AOPEP: variants seen among roughly 807,000 people sequenced by gnomAD.
AOPEP encodes the protein aminopeptidase O.
In AOPEP, 77 loss-of-function variants were observed where a neutral mutation model predicts 98.1. The ratio of observed to expected loss-of-function variants is 0.78; its 90% CI spans 0.65 to 0.95. AOPEP has a LOEUF of 0.95. Ranked by LOEUF, AOPEP falls within the 40% of genes least tolerant of loss-of-function variation. AOPEP has a pLI of 0.00. For missense variants in AOPEP, 1,024 were observed against 1,024.7 expected, an observed-to-expected ratio of 1.00 and a Z score of 0.01; for synonymous variants, 346 against 365.3, an observed-to-expected ratio of 0.95 and a Z score of 0.60.
intron 2 of AOPEP, among the ~76,000 whole-genome samples, chr9:94,772,314 G>A (rs530124530): frequency 6.6e-6 from 1 of 152,238 alleles, no homozygotes; most frequent in South Asian, 2.1e-4. Context: ...TTCTTGGTTT[G>A]GGTAGGGCTG....
the AOPEP span, among the ~76,000 whole-genome samples, chr9:95,121,720 T>A: frequency 6.6e-6 from 1 of 152,110 alleles, no homozygotes; most frequent in Non-Finnish European, 1.5e-5. Flanking sequence ...TCTCAAAAGA[T>A]TGCACAGAGT....
chr9:95,083,285 C>T (rs1368058804), intron 16 of AOPEP, among the ~76,000 whole-genome samples: 1 of 151,906 alleles, frequency 6.6e-6, no homozygotes, highest in Non-Finnish European at 1.5e-5. Flanking sequence ...ACGTAGCACA[C>T]ACACTGCATG....
chr9:94,832,382 T>C (rs1335618731), intron 5 of AOPEP, among the ~76,000 whole-genome samples: 1 of 152,206 alleles, frequency 6.6e-6, no homozygotes, highest in African/African-American at 2.4e-5. Context: ...TTCTTACCTA[T>C]GAGGTTGGCA....
At chr9:95,024,483 C>CT (rs1204800630) in intron 13 of AOPEP, among the ~76,000 whole-genome samples, 10 of 152,192 alleles carry the variant, frequency 6.6e-5, no homozygotes, top group Non-Finnish European at 1.3e-4. Flanking sequence ...TCTCCTAGGC[C>CT]TAGGGAAACG....
At chr9:95,053,475 T>C (rs1232871340) in intron 13 of AOPEP, among the ~76,000 whole-genome samples, 1 of 152,220 alleles carries the variant, frequency 6.6e-6, no homozygotes, top group Non-Finnish European at 1.5e-5. Flanking sequence ...ACATACCATA[T>C]AGGATGTTTT....
intron 2 of AOPEP, among the ~76,000 whole-genome samples, chr9:94,765,439 A>AAAAAATAATAAT (rs1554706555): frequency 2.4e-5 from 3 of 123,820 alleles, no homozygotes; most frequent in African/African-American, 6.2e-5. Flanking sequence ...TTCTCTACAA[A>AAAAAATAATAAT]AATAATAATA....
At chr9:94,818,585 A>G (rs1852214504) in intron 5 of AOPEP, among the ~76,000 whole-genome samples, 1 of 152,320 alleles carries the variant, frequency 6.6e-6, no homozygotes, top group East Asian at 1.9e-4. Flanking sequence ...CTTTTAATAT[A>G]CATACTCACT....
chr9:94,857,506 A>T (rs2044367438), intron 5 of AOPEP, among the ~76,000 whole-genome samples: 1 of 152,128 alleles, frequency 6.6e-6, no homozygotes, highest in Non-Finnish European at 1.5e-5. Context: ...CTGGGAGGAG[A>T]GATTGAGAGT....
chr9:95,114,421 C>T, the AOPEP span: 4 of 651,620 alleles, frequency 6.1e-6, no homozygotes, highest in South Asian at 6.6e-5. Flanking sequence ...CACATGCATA[C>T]ATGCGCATGC....
At chr9:95,146,689 A>G in the AOPEP span, among the ~76,000 whole-genome samples, 1 of 151,892 alleles carries the variant, frequency 6.6e-6, no homozygotes, top group African/African-American at 2.4e-5. Context: ...TGCAAATTAT[A>G]CCACACAGTG....
chr9:95,057,513 A>C (rs972169939), intron 13 of AOPEP, among the ~76,000 whole-genome samples: 3 of 152,236 alleles, frequency 2.0e-5, no homozygotes, highest in Admixed American at 2.0e-4. Flanking sequence ...TTTCATTTGT[A>C]GGGTGGCTTT....
intron 14 of AOPEP, among the ~76,000 whole-genome samples, chr9:95,069,189 C>T (rs4744435): frequency 0.76 from 116,161 of 152,124 alleles, 46,299 homozygotes; most frequent in Non-Finnish European, 0.88. Flanking sequence ...TGATGTTACC[C>T]GGATTTCATG....
chr9:94,847,466 G>A (rs867822741), intron 5 of AOPEP, among the ~76,000 whole-genome samples: 114 of 152,344 alleles, frequency 7.5e-4, no homozygotes, highest in African/African-American at 2.6e-3. Context: ...CACAGAGGCT[G>A]CTGCCAGGGC....
chr9:95,041,956 C>T (rs1202194302), intron 13 of AOPEP, among the ~76,000 whole-genome samples: 1 of 152,018 alleles, frequency 6.6e-6, no homozygotes, highest in Admixed American at 6.6e-5. Flanking sequence ...TGGGAGGGAA[C>T]GGGAAGAAAC....
intron 3 of AOPEP, among the ~76,000 whole-genome samples, chr9:94,777,199 C>T (rs1198499432): frequency 2.6e-5 from 4 of 152,008 alleles, no homozygotes; most frequent in South Asian, 4.2e-4. Flanking sequence ...CTTCGGGAGG[C>T]CGAGGGACGG....
At chr9:95,049,688 A>AT (rs1393424791) in intron 13 of AOPEP, among the ~76,000 whole-genome samples, 3 of 152,192 alleles carry the variant, frequency 2.0e-5, no homozygotes, top group Non-Finnish European at 4.4e-5. Context: ...AAACTTAACC[A>AT]TTTTTGCGAA....
At chr9:94,893,725 A>G (rs2049132230) in intron 5 of AOPEP, among the ~76,000 whole-genome samples, 2 of 152,278 alleles carry the variant, frequency 1.3e-5, no homozygotes, top group South Asian at 4.1e-4. Flanking sequence ...ACCAAATACA[A>G]TACCAGGTGT....
intron 7 of AOPEP, among the ~76,000 whole-genome samples, chr9:94,946,198 C>T (rs2057604539): frequency 6.6e-6 from 1 of 152,172 alleles, no homozygotes; most frequent in South Asian, 2.1e-4. Flanking sequence ...GAAAACCACA[C>T]TTGATGCTGA....
At chr9:95,048,764 G>A (rs1040775822) in intron 13 of AOPEP, 2 of 152,214 alleles carry the variant, frequency 1.3e-5, no homozygotes, top group South Asian at 2.1e-4. Context: ...TTTAAATTCA[G>A]AGTGATTCAA....
Sources: allele counts gnomAD v4.1 joint callset (sites outside exome capture counted in the v4.1 genomes callset), GRCh38; gene constraint gnomAD v4.1.1; transcripts MANE v1.5; gene names NCBI Gene and HGNC (gene_info 2026-07-23, HGNC 2026-07-21).